MOXD1: variants seen among roughly 807,000 people sequenced by gnomAD.
MOXD1 encodes DBH-like monooxygenase protein 1.
MOXD1 carries 62 observed loss-of-function variants against 66.6 expected under a neutral mutation model. The observed-to-expected ratio is 0.93, with a 90% CI of 0.76 to 1.15. The LOEUF is 1.15. Ranked by LOEUF, MOXD1 falls within the 50% of genes most tolerant of loss-of-function variation. MOXD1 has a pLI of 0.00. For synonymous variants in MOXD1, 303 were observed against 281.9 expected (o/e 1.07, Z -0.75); for missense variants, 847 against 754.6 (o/e 1.12, Z -1.44).
intron 4 of MOXD1, among the ~76,000 whole-genome samples, chr6:132,340,638 A>ATCTTTTTTTTTTTTTTTTTTTTTTTT (rs1562287208): frequency 1.0e-5 from 1 of 98,808 alleles, no homozygotes; most frequent in African/African-American, 4.4e-5. Context: ...AACAAGACTC[A>ATCTTTTTTTTTTTTTTTTTTTTTTTT]TTTTTTTTTT....
At chr6:132,326,212 G>A (rs565894803) in intron 6 of MOXD1, among the ~76,000 whole-genome samples, 7 of 151,712 alleles carry the variant, frequency 4.6e-5, no homozygotes, top group Non-Finnish European at 5.9e-5. Context: ...AAACAAATTC[G>A]TATTATGTTA....
At chr6:132,378,420 A>T (rs192375247) in intron 1 of MOXD1, among the ~76,000 whole-genome samples, 3 of 152,286 alleles carry the variant, frequency 2.0e-5, no homozygotes, top group African/African-American at 7.2e-5. Context: ...AATTTCAGTT[A>T]TGATGCATGA....
At chr6:132,334,661 A>G (rs1163057622) in intron 4 of MOXD1, among the ~76,000 whole-genome samples, 64 of 152,106 alleles carry the variant, frequency 4.2e-4, no homozygotes, top group Non-Finnish European at 7.4e-5. Flanking sequence ...TTCCCAATTT[A>G]TGCACACCTC....
chr6:132,389,572 G>T (rs1357349438), intron 1 of MOXD1, among the ~76,000 whole-genome samples: 1 of 151,528 alleles, frequency 6.6e-6, no homozygotes, highest in Non-Finnish European at 1.5e-5. Flanking sequence ...TTTGACTGGT[G>T]GGGGATGGGG....
At chr6:132,376,864 TAACTA>T (rs774666424) in intron 1 of MOXD1, among the ~76,000 whole-genome samples, 3 of 152,380 alleles carry the variant, frequency 2.0e-5, no homozygotes, top group Admixed American at 6.5e-5. Context: ...TTACATGTAT[TAACTA>T]AACTAATCTT....
At chr6:132,348,831 T>C (rs1008222705) in intron 4 of MOXD1, among the ~76,000 whole-genome samples, 2 of 152,152 alleles carry the variant, frequency 1.3e-5, no homozygotes, top group Non-Finnish European at 2.9e-5. Flanking sequence ...AAAGACTGCA[T>C]TGTCTTCACT....
At chr6:132,357,061 T>G (rs73546054) in intron 4 of MOXD1, among the ~76,000 whole-genome samples, 2,189 of 152,124 alleles carry the variant, frequency 0.014, 67 homozygotes, top group African/African-American at 0.05. Flanking sequence ...AGAAAAAAAC[T>G]CCTTAATCTT....
intron 10 of MOXD1, among the ~76,000 whole-genome samples, chr6:132,307,193 A>G (rs1774713602): frequency 6.6e-6 from 1 of 152,194 alleles, no homozygotes; most frequent in Admixed American, 6.5e-5. Flanking sequence ...GCAAATTGAA[A>G]GAAAAAAAAA....
At chr6:132,328,383 T>C in intron 5 of MOXD1, 32 bp downstream of exon 5, 1 of 1,606,654 alleles carries the variant, frequency 6.2e-7, no homozygotes, top group Non-Finnish European at 8.5e-7. Context: ...GATCAGTTAA[T>C]TGTGTTACAT....
chr6:132,339,815 A>G (rs1306255984), intron 4 of MOXD1, among the ~76,000 whole-genome samples: 1 of 152,092 alleles, frequency 6.6e-6, no homozygotes, highest in East Asian at 1.9e-4. Flanking sequence ...AAAATAGCCT[A>G]AGGATGAAGA....
chr6:132,368,179 G>A (rs1012764921), intron 4 of MOXD1, among the ~76,000 whole-genome samples: 1 of 152,080 alleles, frequency 6.6e-6, no homozygotes, highest in East Asian at 1.9e-4. Context: ...ATCCAACCAC[G>A]ACTAATAGTC....
At position 132,340,638 on chromosome 6, in the gene MOXD1, A is replaced by ATCTTT. The variant is rs1562287208; in HGVS notation, c.664-12045_664-12044insAAAGA. 3.0e-5 allele frequency among the ~76,000 whole-genome samples: 3 copies of ATCTTT among 98,808 alleles called. 1 individual carries two copies. Among genetic ancestry groups the ATCTTT allele is most frequent in the African/African-American group, 1.3e-4 (3 of 22,542 alleles). 64.8% of individuals were successfully genotyped at this position (98,808 alleles called of 152,430 possible). On this transcript the variant is annotated intron_variant, in intron 4 of 11. Transcript: ENST00000367963. ...ACAACATGCTAAAACAACAAGACTC[A>ATCTTT]TTTTTTTTTTTTTTTTTTTTTTTTT...
At chr6:132,307,893 T>C (rs2114539830) in intron 10 of MOXD1, among the ~76,000 whole-genome samples, 1 of 152,194 alleles carries the variant, frequency 6.6e-6, no homozygotes, top group East Asian at 1.9e-4. Flanking sequence ...TTTATAGCAC[T>C]AAATCCCCAC....
chr6:132,394,207 T>C (rs1430977435), intron 1 of MOXD1, among the ~76,000 whole-genome samples: 1 of 152,132 alleles, frequency 6.6e-6, no homozygotes, highest in African/African-American at 2.4e-5. Context: ...CCACTGACAC[T>C]GTTTACAGCT....
At chr6:132,332,498 A>C (rs1479469303) in intron 4 of MOXD1, among the ~76,000 whole-genome samples, 1 of 152,250 alleles carries the variant, frequency 6.6e-6, no homozygotes, top group East Asian at 1.9e-4. Context: ...CCTGAAAAAT[A>C]GAAGAATAAT....
chr6:132,394,330 C>A (rs1554238873), intron 1 of MOXD1, among the ~76,000 whole-genome samples: 1 of 151,966 alleles, frequency 6.6e-6, no homozygotes, highest in South Asian at 2.1e-4. Context: ...CCTATGAAAG[C>A]AAATTCAAAA....
chr6:132,337,720 G>A (rs190093623), intron 4 of MOXD1, among the ~76,000 whole-genome samples: 11 of 152,248 alleles, frequency 7.2e-5, no homozygotes, highest in Middle Eastern at 6.8e-3. Flanking sequence ...AACACAGCAT[G>A]CTTAGTGTAT....
chr6:132,370,610 C>T (rs1216462222), intron 4 of MOXD1, among the ~76,000 whole-genome samples: 4 of 151,958 alleles, frequency 2.6e-5, no homozygotes, highest in Admixed American at 2.6e-4. Context: ...AACCTCTGTC[C>T]CCTGTAACAA....
chr6:132,384,448 A>G (rs931782059), intron 1 of MOXD1, among the ~76,000 whole-genome samples: 15 of 152,234 alleles, frequency 9.9e-5, no homozygotes, highest in African/African-American at 3.4e-4. Context: ...AATGGAACTT[A>G]TAGTTTAGTT....
Sources: allele counts gnomAD v4.1 joint callset (sites outside exome capture counted in the v4.1 genomes callset), GRCh38; gene constraint gnomAD v4.1.1; transcripts MANE v1.5; gene names NCBI Gene and HGNC (gene_info 2026-07-23, HGNC 2026-07-21).